The following SV2C variants were observed in gnomAD, a reference collection of about 807,000 sequenced individuals.
The protein encoded by SV2C is synaptic vesicle glycoprotein 2C, also known as solute carrier family 22 member B3.
SV2C carries 49 observed loss-of-function variants against 79.7 expected under a neutral mutation model. The observed-to-expected ratio is 0.61, with a 90% confidence interval of 0.49 to 0.78. The LOEUF is 0.78. Ranked by LOEUF, SV2C falls within the 30% of genes least tolerant of loss-of-function variation. The probability of loss-of-function intolerance (pLI) is 0.00; values close to 1 mark genes in which losing one functional copy is unlikely to be tolerated. For synonymous variants in SV2C, 334 were observed against 333.2 expected, an observed-to-expected ratio of 1.00 and a Z score of -0.03; for missense variants, 833 against 912.9, an observed-to-expected ratio of 0.91 and a Z score of 1.13.
chr5:76,126,820 T>C (rs1361888126), intron 1 of SV2C, among the ~76,000 whole-genome samples: 6 of 152,156 alleles, frequency 3.9e-5, no homozygotes. Flanking sequence ...GCAGATGTAG[T>C]GGGTATGTGG....
intron 4 of SV2C, among the ~76,000 whole-genome samples, chr5:76,221,539 C>T (rs1351335236): frequency 6.6e-6 from 1 of 152,162 alleles, no homozygotes; most frequent in African/African-American, 2.4e-5. Context: ...ACCCCAGTGC[C>T]CTCATTCAGA....
rs188762540 is a variant in SV2C at position 76,296,097 on chromosome 5, G to A, written c.1502+155G>A. ...TGATGAATTTCAATACTTCTTAATA[G>A]GCTTTAAATAAAAGGTACAAATGTA... On this transcript the variant is annotated intron_variant, in intron 9 of 12. Transcript: ENST00000502798. 1,471 of 635,318 alleles carry A rather than the reference G, an allele frequency of 2.3e-3. 2 individuals are homozygous for A. The highest frequency in any genetic ancestry group is 3.3e-3 in the Non-Finnish European group (1,334 of 407,822). The allele number at this position is 635,318 out of a possible 1,614,324, so 39.4% of individuals were successfully genotyped here.
At chr5:76,303,207 T>C (rs1748069545) in intron 12 of SV2C, among the ~76,000 whole-genome samples, 3 of 152,164 alleles carry the variant, frequency 2.0e-5, no homozygotes, top group African/African-American at 7.2e-5. Flanking sequence ...AACCATACAA[T>C]CTTTGTACGG....
chr5:75,868,634 C>G, the SV2C span, among the ~76,000 whole-genome samples: 1 of 152,210 alleles, frequency 6.6e-6, no homozygotes, highest in Admixed American at 6.5e-5. Flanking sequence ...TTTACTGTAT[C>G]CACCAATCCA....
chr5:76,165,112 T>C (rs1743008320), intron 2 of SV2C, among the ~76,000 whole-genome samples: 1 of 151,498 alleles, frequency 6.6e-6, no homozygotes, highest in Non-Finnish European at 1.5e-5. Flanking sequence ...TATGCAAGTC[T>C]TGACTGTGTG....
intron 4 of SV2C, among the ~76,000 whole-genome samples, chr5:76,253,595 G>C (rs1188177703): frequency 1.3e-5 from 2 of 151,604 alleles, no homozygotes; most frequent in Non-Finnish European, 2.9e-5. Context: ...AGAATTCTCT[G>C]GGATTAGATG....
chr5:76,073,421 A>G, the SV2C span, among the ~76,000 whole-genome samples: 6 of 149,632 alleles, frequency 4.0e-5, no homozygotes, highest in Non-Finnish European at 8.9e-5. Context: ...GAGCATCACA[A>G]TTCGCAATTG....
chr5:75,973,305 C>G, the SV2C span, among the ~76,000 whole-genome samples: 1 of 151,370 alleles, frequency 6.6e-6, no homozygotes, highest in Non-Finnish European at 1.5e-5. Context: ...TGCACACGTA[C>G]CCTAAAACTT....
intron 12 of SV2C, among the ~76,000 whole-genome samples, chr5:76,350,173 C>T (rs246801): frequency 0.46 from 69,830 of 151,964 alleles, 16,808 homozygotes; most frequent in African/African-American, 0.57. Flanking sequence ...ACCATTTCCT[C>T]CATCCTGCCC....
intron 1 of SV2C, among the ~76,000 whole-genome samples, chr5:76,112,886 C>G (rs554747678): frequency 6.6e-6 from 1 of 152,166 alleles, no homozygotes; most frequent in South Asian, 2.1e-4. Context: ...TAGTGGATAA[C>G]AATGTCAGGG....
At chr5:75,933,909 C>T in the SV2C span, among the ~76,000 whole-genome samples, 1 of 152,206 alleles carries the variant, frequency 6.6e-6, no homozygotes, top group African/African-American at 2.4e-5. Flanking sequence ...TTTGGGGATA[C>T]CCTCTCACTG....
chr5:76,062,899 G>A, the SV2C span, among the ~76,000 whole-genome samples: 2 of 152,104 alleles, frequency 1.3e-5, no homozygotes, highest in Non-Finnish European at 2.9e-5. Context: ...CTTTTGAATT[G>A]CATTGATTTT....
chr5:76,332,568 C>G lies in SV2C; in HGVS notation c.*7021C>G, dbSNP rs1749215395. ...TACTACATTTTACCATTATCTGTGC[C>G]CATGAGGTAATGTATGCCTATTATG... On this transcript the variant is annotated 3_prime_UTR_variant, in exon 13 of 13. Coordinates refer to ENST00000502798, the MANE Select transcript of SV2C (RefSeq NM_014979.4). 6.6e-6 allele frequency: 1 copy of G among 152,104 alleles called. No homozygotes were observed. The highest frequency in any genetic ancestry group is 6.5e-5 in the Admixed American group (1 of 15,268). The allele number at this position is 152,104 out of a possible 1,614,324, so 9.4% of individuals were successfully genotyped here. A position where few individuals can be genotyped will look rare whatever the true frequency, so the allele number is the denominator to read the frequency against.
At chr5:76,036,932 C>G in the SV2C span, among the ~76,000 whole-genome samples, 1 of 152,190 alleles carries the variant, frequency 6.6e-6, no homozygotes, top group South Asian at 2.1e-4. Context: ...TTCTTGGAGG[C>G]TTTGCTCGTT....
At chr5:76,119,898 T>C (rs1212634680) in intron 1 of SV2C, among the ~76,000 whole-genome samples, 3 of 152,184 alleles carry the variant, frequency 2.0e-5, no homozygotes, top group African/African-American at 4.8e-5. Context: ...ATGGGTAATA[T>C]CTATTGATAT....
chr5:76,200,447 T>A (rs926129525), intron 3 of SV2C, among the ~76,000 whole-genome samples: 3 of 152,230 alleles, frequency 2.0e-5, no homozygotes, highest in African/African-American at 7.2e-5. Flanking sequence ...ATTAAAGTCA[T>A]TTTAAACTTG....
At position 76,176,987 on chromosome 5, in the gene SV2C, C is replaced by T. The variant is rs1016765957; in HGVS notation, c.581-17932C>T. 5.9e-5 allele frequency among the ~76,000 whole-genome samples: 9 copies of T among 151,622 alleles called. No individual in the cohort carries two copies. In the East Asian group the frequency reaches 1.6e-3, roughly 26 times the overall value. On this transcript the variant is annotated intron_variant, in intron 2 of 12. Coordinates refer to ENST00000502798, the MANE Select transcript of SV2C (RefSeq NM_014979.4). ...AAAATTAGCCGAGCACGGTGGCGGG[C>T]GTCTGTAGTCCCAGCTACTCGGGAG... is the stretch of plus-strand genomic sequence containing the variant.
chr5:76,245,684 C>T (rs1745922715), intron 4 of SV2C, among the ~76,000 whole-genome samples: 1 of 152,174 alleles, frequency 6.6e-6, no homozygotes, highest in African/African-American at 2.4e-5. Flanking sequence ...CCACCAATGA[C>T]AGCTGTTAAC....
intron 2 of SV2C, among the ~76,000 whole-genome samples, chr5:76,143,635 A>G (rs6453206): frequency 0.45 from 68,069 of 152,078 alleles, 17,579 homozygotes; most frequent in Non-Finnish European, 0.59. Context: ...AGGCTCTGGT[A>G]GTGGTATTAC....
Sources: allele counts gnomAD v4.1 joint callset (sites outside exome capture counted in the v4.1 genomes callset), GRCh38; gene constraint gnomAD v4.1.1; transcripts MANE v1.5; gene names NCBI Gene and HGNC (gene_info 2026-07-23, HGNC 2026-07-21).